Variants in USP34 observed in about 807,000 individuals in gnomAD.
USP34 encodes ubiquitin carboxyl-terminal hydrolase 34.
Under a neutral mutation model 460.3 loss-of-function variants are expected in USP34, and 70 were observed. The observed-to-expected ratio is 0.15, with a 90% CI of 0.13 to 0.19. USP34 has a LOEUF of 0.19. Among genes scored for constraint, USP34 ranks in the 10% least tolerant of loss-of-function variants. The probability of loss-of-function intolerance (pLI) is 1.00; values close to 1 mark genes in which losing one functional copy is unlikely to be tolerated. For missense variants in USP34, 3,985 were observed against 4,236.2 expected (o/e 0.94, Z 1.65); for synonymous variants, 1,647 against 1,405.3 (o/e 1.17, Z -3.85).
intron 57 of USP34, among the ~76,000 whole-genome samples, chr2:61,234,727 C>A (rs764535998): frequency 1.3e-5 from 2 of 152,032 alleles, no homozygotes; most frequent in Non-Finnish European, 2.9e-5. Context: ...TGCTTCTCTG[C>A]CTCAAGGGTT....
chr2:61,293,087 A>C (rs1460750558), intron 33 of USP34, among the ~76,000 whole-genome samples: 1 of 152,092 alleles, frequency 6.6e-6, no homozygotes, highest in African/African-American at 2.4e-5. Flanking sequence ...TATTACTACT[A>C]TAAAGGAAGA....
At position 61,257,150 on chromosome 2, in the gene USP34, C is replaced by T. The variant is rs371189530; in HGVS notation, c.5992-42G>A. 2.0e-5 allele frequency: 31 copies of T among 1,576,126 alleles called. 1 individual carries two copies. Among genetic ancestry groups the T allele is most frequent in the South Asian group, 9.5e-5 (8 of 83,870 alleles). On this transcript the variant is annotated intron_variant, in intron 45 of 79. Coordinates refer to ENST00000398571, the MANE Select transcript of USP34 (RefSeq NM_014709.4). ...ACAAAAAATAAGAAACTAGTTAAAA[C>T]GCAGGCAAATTTGTTCAAATTTCAA...
chr2:61,297,097 G>C (rs921107455), intron 29 of USP34, among the ~76,000 whole-genome samples, 172 bp from the exon 30 acceptor site: 4 of 152,202 alleles, frequency 2.6e-5, no homozygotes, highest in African/African-American at 4.8e-5. Flanking sequence ...AAAATTAATA[G>C]CCAAGCAGTG....
chr2:61,326,909 G>A (rs961782417), intron 20 of USP34, among the ~76,000 whole-genome samples: 6 of 150,638 alleles, frequency 4.0e-5, no homozygotes, highest in Non-Finnish European at 5.9e-5. Context: ...TCAGCCTCCC[G>A]AGGAGCTGGG....
chr2:61,458,404 T>C (rs1055658190), intron 1 of USP34, among the ~76,000 whole-genome samples: 2 of 151,028 alleles, frequency 1.3e-5, no homozygotes, highest in African/African-American at 4.9e-5. Context: ...CTACTAAAAA[T>C]ACAAAAATTA....
intron 27 of USP34, among the ~76,000 whole-genome samples, chr2:61,306,105 C>T (rs554043668): frequency 1.8e-4 from 27 of 152,008 alleles, no homozygotes; most frequent in Non-Finnish European, 1.5e-4. Context: ...TCTATTTTGG[C>T]TTTGTTGCCA....
chr2:61,407,410 C>T (rs543062062), intron 2 of USP34, among the ~76,000 whole-genome samples: 19 of 152,230 alleles, frequency 1.2e-4, no homozygotes, highest in Non-Finnish European at 2.5e-4. Context: ...TTAATACATA[C>T]GCAAGTACCT....
intron 62 of USP34, among the ~76,000 whole-genome samples, chr2:61,224,729 T>G (rs1423097516): frequency 6.6e-6 from 1 of 152,186 alleles, no homozygotes; most frequent in African/African-American, 2.4e-5. Context: ...AAAAAAAAAT[T>G]TCTTTTTAGG....
intron 53 of USP34, among the ~76,000 whole-genome samples, chr2:61,237,451 A>C (rs150502564): frequency 3.3e-5 from 5 of 150,820 alleles, no homozygotes; most frequent in Non-Finnish European, 5.9e-5. Flanking sequence ...TTTCTATCAT[A>C]TAAGTGCTTT....
chr2:61,376,475 G>A (rs1692803050), intron 8 of USP34, among the ~76,000 whole-genome samples: 1 of 152,178 alleles, frequency 6.6e-6, no homozygotes, highest in Non-Finnish European at 1.5e-5. Flanking sequence ...TAGCCTGAAT[G>A]TGTTATTACT....
In USP34 at chr2:61,330,743, T is replaced by A. The variant is rs574126345; in HGVS notation, c.2930+533A>T. Among the ~76,000 whole-genome samples, 16 of 152,188 alleles carry A rather than the reference T, an allele frequency of 1.1e-4. 1 individual carries two copies. The highest frequency in any genetic ancestry group is 3.4e-3 in the Middle Eastern group (1 of 294). On this transcript the variant is annotated intron_variant, in intron 20 of 79. Transcript: ENST00000398571. ...ACAGCTATACCACCACCAATCCATT[T>A]CTACCAATTCTTGTCCCAAATCACT...
At chr2:61,301,487 T>C (rs370221915) in intron 27 of USP34, 33 bp from the exon 28 acceptor site, 4 of 1,576,670 alleles carry the variant, frequency 2.5e-6, no homozygotes, top group Middle Eastern at 1.7e-4. Context: ...AATGAATTTG[T>C]TTTTAAGAAT....
Position 61,336,229 on chromosome 2 carries a change from T to C in USP34, c.2745-2258A>G, listed in dbSNP as rs969770636. Reference sequence around the variant, plus strand: ...GTGCGATCTTGGCTCACTGCAGCCTTGACTTCCCACCTCAGCCTCCCAAGT... The same window carrying C: ...GTGCGATCTTGGCTCACTGCAGCCTCGACTTCCCACCTCAGCCTCCCAAGT... On this transcript the variant is annotated intron_variant, in intron 18 of 79. Transcript: ENST00000398571. Among the ~76,000 whole-genome samples the C allele has an allele frequency of 6.0e-5, 9 of 151,226 alleles. 1 individual carries two copies. Among genetic ancestry groups the C allele is most frequent in the Non-Finnish European group, 1.0e-4 (7 of 67,758 alleles).
chr2:61,266,607 C>G (rs1275726240), intron 41 of USP34, among the ~76,000 whole-genome samples: 1 of 152,088 alleles, frequency 6.6e-6, no homozygotes. Flanking sequence ...TGTACTTTTT[C>G]CAAAATTAAG....
At chr2:61,415,190 A>G (rs1178538488) in intron 2 of USP34, among the ~76,000 whole-genome samples, 2 of 152,122 alleles carry the variant, frequency 1.3e-5, no homozygotes, top group Non-Finnish European at 2.9e-5. Context: ...AGCAAAATGA[A>G]TTATAAGGAT....
In USP34 at chr2:61,297,790, T is replaced by A. The variant is rs1215127185; in HGVS notation, c.4129-865A>T. Among the ~76,000 whole-genome samples, 4 of 152,198 alleles carry A rather than the reference T, an allele frequency of 2.6e-5. No homozygotes were observed. The East Asian group carries it at 7.7e-4, about 29-fold the overall frequency. ...GGAGTTTCGCTCTTGTAGCCCAGGCTGGAGTGCAATGGCACGATCTCAGCT... is the reference window on the plus strand; with the variant it reads ...GGAGTTTCGCTCTTGTAGCCCAGGCAGGAGTGCAATGGCACGATCTCAGCT... On this transcript the variant is annotated intron_variant, in intron 29 of 79. Coordinates refer to ENST00000398571, the MANE Select transcript of USP34 (RefSeq NM_014709.4).
chr2:61,242,650 AT>A (rs1248056502), intron 51 of USP34, among the ~76,000 whole-genome samples: 1 of 152,174 alleles, frequency 6.6e-6, no homozygotes, highest in Non-Finnish European at 1.5e-5. Context: ...TATTACGAGA[AT>A]TTAGTGGTGG....
intron 1 of USP34, among the ~76,000 whole-genome samples, chr2:61,456,586 G>C (rs1281442467): frequency 6.6e-6 from 1 of 152,148 alleles, no homozygotes; most frequent in African/African-American, 2.4e-5. Flanking sequence ...GGAAGCCAAA[G>C]TAGGGAGATC....
At chr2:61,310,588 G>A (rs1206622150) in intron 27 of USP34, among the ~76,000 whole-genome samples, 1 of 150,100 alleles carries the variant, frequency 6.7e-6, no homozygotes, top group Non-Finnish European at 1.5e-5. Flanking sequence ...TTATATCTTG[G>A]TATCTCTGGA....
Sources: gnomAD v4.1 joint callset for allele counts (sites outside exome capture counted in the v4.1 genomes callset) on GRCh38, gnomAD v4.1.1 for gene constraint, MANE v1.5 for transcripts, NCBI Gene and HGNC (gene_info 2026-07-23, HGNC 2026-07-21) for gene names.